POLA1: variants seen among roughly 807,000 people sequenced by gnomAD.
POLA1 encodes DNA polymerase alpha 1, catalytic subunit.
Under a neutral mutation model 124.0 loss-of-function variants are expected in POLA1, and 15 were observed. The observed-to-expected ratio is 0.12, with a 90% CI of 0.08 to 0.19. The LOEUF is 0.19. Ranked by LOEUF, POLA1 falls within the 10% of genes least tolerant of loss-of-function variation. The pLI, the probability that POLA1 is intolerant of heterozygous loss-of-function variation, is 1.00. For missense variants in POLA1, 886 were observed against 1,103.4 expected (o/e 0.80, Z 2.79); for synonymous variants, 408 against 389.4 (o/e 1.05, Z -0.56).
At chrX:24,951,343 A>T (rs1430185552) in intron 36 of POLA1, among the ~76,000 whole-genome samples, 27 of 40,947 alleles carry the variant, frequency 6.6e-4, no homozygotes, top group East Asian at 4.0e-3. Context: ...ACACCTCCCT[A>T]CCCCCCCCCC....
At chrX:24,725,258 G>A (rs1449294010) in intron 12 of POLA1, among the ~76,000 whole-genome samples, 1 of 100,453 alleles carries the variant, frequency 1.0e-5, no homozygotes, top group Non-Finnish European at 2.0e-5. Context: ...GCAGTGGTGC[G>A]ATCTTGGCTC....
chrX:24,995,434 C>T (rs1042686098), intron 36 of POLA1, among the ~76,000 whole-genome samples: 5 of 112,078 alleles, frequency 4.5e-5, no homozygotes, highest in Admixed American at 2.8e-4. Context: ...TAGGTGTTTC[C>T]TGCCACGTCC....
intron 26 of POLA1, among the ~76,000 whole-genome samples, chrX:24,793,325 G>A (rs1183398524): frequency 9.5e-6 from 1 of 104,895 alleles, no homozygotes; most frequent in Non-Finnish European, 1.9e-5. Context: ...TTTTCAAAAG[G>A]TGTTGCTTTG....
At chrX:24,739,216 A>G in intron 19 of POLA1, among the ~76,000 whole-genome samples, 159 bp from the exon 20 acceptor site, 1 of 112,239 alleles carries the variant, frequency 8.9e-6, no homozygotes, top group East Asian at 2.8e-4. Flanking sequence ...AGTGCCTAGA[A>G]TAATGTCAGA....
chrX:24,867,872 G>A (rs1295212894), intron 34 of POLA1, among the ~76,000 whole-genome samples: 1 of 107,849 alleles, frequency 9.3e-6, no homozygotes, highest in Non-Finnish European at 1.9e-5. Flanking sequence ...ACAATTACAT[G>A]AAACACTTAG....
At chrX:24,958,799 A>C (rs2048137004) in intron 36 of POLA1, among the ~76,000 whole-genome samples, 1 of 111,675 alleles carries the variant, frequency 9.0e-6, no homozygotes, top group African/African-American at 3.3e-5. Context: ...GGGGCAGCGT[A>C]CTGAAAACAT....
chrX:24,860,575 G>A (rs912642027), intron 34 of POLA1, among the ~76,000 whole-genome samples: 4 of 112,568 alleles, frequency 3.6e-5, no homozygotes, highest in African/African-American at 1.3e-4. Context: ...ACAGAATTAA[G>A]TATTTTCAGA....
At chrX:24,727,107 T>G (rs1344021332) in intron 14 of POLA1, 36 bp downstream of exon 14, 1 of 1,117,347 alleles carries the variant, frequency 8.9e-7, no homozygotes, top group Non-Finnish European at 1.2e-6. Flanking sequence ...GCTGAATAGA[T>G]TGCTGATAGA....
intron 36 of POLA1, among the ~76,000 whole-genome samples, chrX:24,945,033 A>G (rs1293641849): frequency 8.9e-6 from 1 of 111,899 alleles, no homozygotes; most frequent in Non-Finnish European, 1.9e-5. Flanking sequence ...GCCAGGTGCA[A>G]ATTTTGACTT....
At chrX:24,958,797 G>A (rs1450769936) in intron 36 of POLA1, among the ~76,000 whole-genome samples, 3 of 111,540 alleles carry the variant, frequency 2.7e-5, no homozygotes, top group East Asian at 2.8e-4. Context: ...AGGGGGCAGC[G>A]TACTGAAAAC....
chrX:24,705,915 G>T (rs1214926201), intron 4 of POLA1, among the ~76,000 whole-genome samples: 1 of 112,135 alleles, frequency 8.9e-6, no homozygotes, highest in Non-Finnish European at 1.9e-5. Flanking sequence ...CATATCAGGG[G>T]CATATGACGT....
intron 36 of POLA1, among the ~76,000 whole-genome samples, chrX:24,947,652 T>G (rs767518413): frequency 9.0e-6 from 1 of 111,561 alleles, no homozygotes; most frequent in East Asian, 2.8e-4. Flanking sequence ...TTAATATATC[T>G]TGAAATGTCT....
At chrX:24,715,522 C>T (rs1602269204) in intron 6 of POLA1, among the ~76,000 whole-genome samples, 2 of 111,830 alleles carry the variant, frequency 1.8e-5, no homozygotes, top group African/African-American at 3.2e-5. Context: ...TCTCGAACTC[C>T]TTACCTCGTG....
chrX:24,708,976 C>A (rs1929039303), intron 4 of POLA1, among the ~76,000 whole-genome samples: 1 of 82,612 alleles, frequency 1.2e-5, no homozygotes. Context: ...GCAGAGGCGC[C>A]CCTCACCTCC....
chrX:24,973,153 C>T (rs756652290), intron 36 of POLA1, among the ~76,000 whole-genome samples: 40 of 111,320 alleles, frequency 3.6e-4, no homozygotes, highest in Non-Finnish European at 6.8e-4. Context: ...TTCAGGAGTT[C>T]GAGACCAGCC....
chrX:24,974,625 T>A (rs1205463828), intron 36 of POLA1, among the ~76,000 whole-genome samples: 2 of 75,337 alleles, frequency 2.7e-5, no homozygotes, highest in Non-Finnish European at 4.7e-5. Context: ...GTCACAGGAA[T>A]GGGAACATCA....
chrX:24,927,704 T>C (rs1052009332), intron 35 of POLA1, among the ~76,000 whole-genome samples: 1 of 112,199 alleles, frequency 8.9e-6, no homozygotes. Context: ...AATCGAACAT[T>C]TTAAACCAAT....
At chrX:24,703,699 T>C (rs1928612156) in intron 3 of POLA1, among the ~76,000 whole-genome samples, 1 of 112,248 alleles carries the variant, frequency 8.9e-6, no homozygotes, top group Non-Finnish European at 1.9e-5. Context: ...TCATTCCTAC[T>C]TTCCAATTCT....
At chrX:24,950,129 T>C (rs1050411339) in intron 36 of POLA1, among the ~76,000 whole-genome samples, 6 of 112,313 alleles carry the variant, frequency 5.3e-5, no homozygotes, top group Non-Finnish European at 9.4e-5. Context: ...ATTTTACCAA[T>C]GAGAAAAGCA....
Sources: allele counts gnomAD v4.1 joint callset (sites outside exome capture counted in the v4.1 genomes callset), GRCh38; gene constraint gnomAD v4.1.1; transcripts MANE v1.5; gene names NCBI Gene and HGNC (gene_info 2026-07-23, HGNC 2026-07-21).